Variants in NOX4 observed in about 807,000 individuals in gnomAD.
The protein encoded by NOX4 is kidney oxidase-1.
Under a neutral mutation model 87.6 loss-of-function variants are expected in NOX4, and 69 were observed. That is an observed-to-expected ratio of 0.79 (90% CI 0.65 to 0.96). The LOEUF (loss-of-function observed/expected upper bound fraction) is 0.96. Among genes scored for constraint, NOX4 ranks in the 40% least tolerant of loss-of-function variants. The pLI, the probability that NOX4 is intolerant of heterozygous loss-of-function variation, is 0.00. For synonymous variants in NOX4, 275 were observed against 238.2 expected, an observed-to-expected ratio of 1.15 and a Z score of -1.42; for missense variants, 680 against 681.5, an observed-to-expected ratio of 1.00 and a Z score of 0.02.
chr11:89,512,054 G>T, the NOX4 span, among the ~76,000 whole-genome samples: 1 of 152,086 alleles, frequency 6.6e-6, no homozygotes, highest in East Asian at 1.9e-4. Context: ...TACCTGATAT[G>T]TTATCAGCTT....
chr11:89,515,704 T>C, the NOX4 span, among the ~76,000 whole-genome samples: 56 of 152,150 alleles, frequency 3.7e-4, no homozygotes, highest in Non-Finnish European at 6.2e-4. Context: ...CTTAGGTCTA[T>C]GATTCATGTC....
chr11:89,447,715 A>C (rs35679467), intron 4 of NOX4, among the ~76,000 whole-genome samples: 1 of 152,140 alleles, frequency 6.6e-6, no homozygotes, highest in Non-Finnish European at 1.5e-5. Context: ...ATAGTTTAGA[A>C]CAAATTGAGT....
rs1945214712 is a variant in NOX4, at chr11:89,326,179, T to C, written c.*577A>G. 1 of 152,014 alleles carries C rather than the reference T, an allele frequency of 6.6e-6. No homozygotes were observed. The highest frequency in any genetic ancestry group is 2.4e-5 in the African/African-American group (1 of 41,438). The allele number at this position is 152,014 out of a possible 1,614,324, so 9.4% of individuals were successfully genotyped here. On this transcript the variant is annotated 3_prime_UTR_variant, in exon 18 of 18. Coordinates refer to ENST00000263317, the MANE Select transcript of NOX4 (RefSeq NM_016931.5). ...GTTCAGTTAGCATATAGTCTTCAGA[T>C]ATCAAATAGAGGTATTAGCATAAGT...
chr11:89,516,994 C>A, the NOX4 span, among the ~76,000 whole-genome samples: 1 of 111,102 alleles, frequency 9.0e-6, no homozygotes, highest in Non-Finnish European at 1.8e-5. Context: ...TCCTCCTCCT[C>A]CTGCTCTTCT....
rs1403766547 is a variant in NOX4, at chr11:89,325,572, A to G, written c.*1184T>C. The G allele has an allele frequency of 2.0e-5, 3 of 152,162 alleles. No individual in the cohort carries two copies. Among genetic ancestry groups the G allele is most frequent in the African/African-American group, 7.2e-5 (3 of 41,426 alleles). The allele number at this position is 152,162 out of a possible 1,614,324, so 9.4% of individuals were successfully genotyped here. ...TCAGGATACCAAAAAGTGCGACAGTAATATTCTGGATTCTAAACTTAAGTT... is the reference window on the plus strand; with the variant it reads ...TCAGGATACCAAAAAGTGCGACAGTGATATTCTGGATTCTAAACTTAAGTT... On this transcript the variant is annotated 3_prime_UTR_variant, in exon 18 of 18. Coordinates refer to ENST00000263317, the MANE Select transcript of NOX4 (RefSeq NM_016931.5).
chr11:89,545,390 C>G, the NOX4 span: 1 of 152,056 alleles, frequency 6.6e-6, no homozygotes, highest in Admixed American at 6.6e-5. Flanking sequence ...TCGGCCATGA[C>G]TCCTAAATAA....
chr11:89,519,245 G>T, the NOX4 span, among the ~76,000 whole-genome samples: 50 of 152,132 alleles, frequency 3.3e-4, no homozygotes, highest in African/African-American at 1.2e-3. Context: ...GTTAGGGAAA[G>T]TTGTTCATGT....
chr11:89,566,013 T>G, the NOX4 span, among the ~76,000 whole-genome samples: 1 of 151,692 alleles, frequency 6.6e-6, no homozygotes, highest in East Asian at 1.9e-4. Context: ...TGTATATAAA[T>G]GAAATTAACT....
chr11:89,488,784 C>T, intron 2 of NOX4: 1 of 474,306 alleles, frequency 2.1e-6, no homozygotes, highest in Admixed American at 3.8e-5. Context: ...ACGTCCTATT[C>T]ATTAAGTTAC....
At chr11:89,345,976 G>C (rs1388873143) in intron 13 of NOX4, among the ~76,000 whole-genome samples, 1 of 152,064 alleles carries the variant, frequency 6.6e-6, no homozygotes, top group East Asian at 1.9e-4. Context: ...GAAAGGAAAG[G>C]CATCCAAATA....
intron 2 of NOX4, among the ~76,000 whole-genome samples, chr11:89,489,200 T>C (rs949586599): frequency 4.6e-5 from 7 of 152,180 alleles, no homozygotes; most frequent in Non-Finnish European, 7.4e-5. Flanking sequence ...CTAGTCTGGG[T>C]ACTGAGAATT....
chr11:89,568,152 G>A, the NOX4 span, among the ~76,000 whole-genome samples: 538 of 152,124 alleles, frequency 3.5e-3, 1 homozygote, highest in Non-Finnish European at 5.3e-3. Context: ...CTGGCCCCCC[G>A]TGAAATCATC....
the NOX4 span, among the ~76,000 whole-genome samples, chr11:89,527,975 T>C: frequency 7.8e-6 from 1 of 128,024 alleles, no homozygotes; most frequent in African/African-American, 3.1e-5. Flanking sequence ...AATGGCAGCC[T>C]GTGAAAGCAT....
chr11:89,517,345 C>T, the NOX4 span, among the ~76,000 whole-genome samples: 3 of 152,074 alleles, frequency 2.0e-5, no homozygotes, highest in Admixed American at 6.6e-5. Context: ...TTTGGTTGAC[C>T]GCTCATCAAT....
At chr11:89,391,739 C>CAAAAAA (rs11419337) in intron 11 of NOX4, among the ~76,000 whole-genome samples, 2 of 97,088 alleles carry the variant, frequency 2.1e-5, no homozygotes, top group African/African-American at 3.4e-5. Flanking sequence ...GACCTTGTCT[C>CAAAAAA]AAAAAAAAAA....
Position 89,326,258 on chromosome 11 carries a change from T to C in NOX4, c.*498A>G, listed in dbSNP as rs1448595520. On this transcript the variant is annotated 3_prime_UTR_variant, in exon 18 of 18. Transcript: ENST00000263317. ...GTACCCGTATCAATACAGAGTCTTG[T>C]GCTGTGTTTTCAAACATCTAATATA... 1.3e-5 allele frequency: 2 copies of C among 152,558 alleles called. No individual in the cohort carries two copies. Among genetic ancestry groups the C allele is most frequent in the Non-Finnish European group, 2.9e-5 (2 of 68,286 alleles). The allele number at this position is 152,558 out of a possible 1,614,324, so 9.5% of individuals were successfully genotyped here. A position where few individuals can be genotyped will look rare whatever the true frequency, so the allele number is the denominator to read the frequency against.
chr11:89,435,239 C>G (rs1407322582), intron 6 of NOX4, among the ~76,000 whole-genome samples: 1 of 151,942 alleles, frequency 6.6e-6, no homozygotes, highest in African/African-American at 2.4e-5. Flanking sequence ...GATAGAATCC[C>G]AGATGGCTAC....
At chr11:89,538,970 A>G in the NOX4 span, among the ~76,000 whole-genome samples, 1 of 152,032 alleles carries the variant, frequency 6.6e-6, no homozygotes, top group Non-Finnish European at 1.5e-5. Flanking sequence ...CAAGTGCTCT[A>G]TAAGAGGCCA....
At chr11:89,560,994 C>CTATATATATATA in the NOX4 span, among the ~76,000 whole-genome samples, 2 of 59,414 alleles carry the variant, frequency 3.4e-5, no homozygotes, top group Non-Finnish European at 5.8e-5. Context: ...CTCTCTCTCT[C>CTATATATATATA]TCTATATATA....
Sources: allele counts gnomAD v4.1 joint callset (sites outside exome capture counted in the v4.1 genomes callset), GRCh38; gene constraint gnomAD v4.1.1; transcripts MANE v1.5; gene names NCBI Gene and HGNC (gene_info 2026-07-23, HGNC 2026-07-21).